Variants in APOBEC3G observed in about 807,000 individuals in gnomAD.
APOBEC3G encodes the protein apolipoprotein B mRNA editing enzyme catalytic subunit 3G.
Under a neutral mutation model 50.0 loss-of-function variants are expected in APOBEC3G, and 44 were observed. That is an observed-to-expected ratio of 0.88 (90% CI 0.69 to 1.13). The LOEUF (loss-of-function observed/expected upper bound fraction) is 1.13, where lower values mean the gene tolerates loss of function less well. APOBEC3G is among the 50% of genes most tolerant of loss of function. APOBEC3G has a pLI of 0.00. For synonymous variants in APOBEC3G, 156 were observed against 175.3 expected, an observed-to-expected ratio of 0.89 and a Z score of 0.87; for missense variants, 469 against 492.0, an observed-to-expected ratio of 0.95 and a Z score of 0.44.
chr22:39,077,335 A>T lies in APOBEC3G; in HGVS notation c.-27A>T, dbSNP rs374190213. 6.4e-7 allele frequency: 1 copy of T among 1,569,652 alleles called. No homozygotes were observed. The highest frequency in any genetic ancestry group is 1.3e-5 in the African/African-American group (1 of 74,084). On this transcript the variant is annotated 5_prime_UTR_variant, in exon 1 of 8. Coordinates refer to ENST00000407997, the MANE Select transcript of APOBEC3G (RefSeq NM_021822.4). ...TGAAACCCTGGTGCTCCAGACAAAG[A>T]TCTTAGTCGGGACTAGCCGGCCAAG...
chr22:39,077,389 C>T lies in APOBEC3G; in HGVS notation c.17+11C>T, dbSNP rs1204077038. 6.3e-7 allele frequency: 1 copy of T among 1,581,328 alleles called. No homozygotes were observed. The highest frequency in any genetic ancestry group is 2.3e-5 in the East Asian group (1 of 43,568). On this transcript the variant is annotated intron_variant, in intron 1 of 7. Coordinates refer to ENST00000407997, the MANE Select transcript of APOBEC3G (RefSeq NM_021822.4). The stretch of plus-strand genomic sequence containing the variant: ...GAAGCCTCACTTCAGGTACCGCTGC[C>T]CGCTCTACCCACTGGGCCCCTCTGC...
chr22:39,084,351 C>A (rs1321920272), intron 5 of APOBEC3G, among the ~76,000 whole-genome samples: 1 of 152,078 alleles, frequency 6.6e-6, no homozygotes, highest in Non-Finnish European at 1.5e-5. Context: ...CACGGTGAAA[C>A]CCCATCTCTA....
In APOBEC3G at chr22:39,079,155, T is replaced by C; in HGVS notation, c.171+70T>C. 3 of 1,542,482 alleles carry C rather than the reference T, an allele frequency of 1.9e-6. No individual in the cohort carries two copies. The South Asian group carries it at 3.8e-5, about 19-fold the overall frequency. Reference sequence around the variant, plus strand: ...GCTGGGAAAGCAAACCACGCACTGATAAGTGAAGTGCCCGGCGGCGGGCTA... The same window carrying C: ...GCTGGGAAAGCAAACCACGCACTGACAAGTGAAGTGCCCGGCGGCGGGCTA... On this transcript the variant is annotated intron_variant, in intron 2 of 7. Coordinates refer to ENST00000407997, the MANE Select transcript of APOBEC3G (RefSeq NM_021822.4).
chr22:39,080,909 G>C (rs1928410465), intron 2 of APOBEC3G, 24 bp from the exon 3 acceptor site: 2 of 1,440,502 alleles, frequency 1.4e-6, no homozygotes, highest in African/African-American at 1.4e-5. Flanking sequence ...CTCAGAGCTT[G>C]CCCTGACCCT....
At chr22:39,087,318 C>A in intron 7 of APOBEC3G, 89 bp from the exon 8 acceptor site, 1 of 1,604,484 alleles carries the variant, frequency 6.2e-7, no homozygotes, top group Admixed American at 1.7e-5. Flanking sequence ...CCCTCCTCTC[C>A]GATCATTGTC....
intron 4 of APOBEC3G, 92 bp downstream of exon 4, chr22:39,081,677 C>T: frequency 3.9e-6 from 4 of 1,025,878 alleles, no homozygotes; most frequent in South Asian, 1.4e-5. Context: ...CAGGTCCTCT[C>T]CTGGCCAGGC....
chr22:39,081,167 C>T lies in APOBEC3G; in HGVS notation c.406C>T (p.Arg136Cys), dbSNP rs142694979. 2.5e-5 allele frequency: 40 copies of T among 1,614,118 alleles called. No individual in the cohort carries two copies. The highest frequency in any genetic ancestry group is 2.1e-4 in the African/African-American group (16 of 74,930). The change falls in exon 3 of 8, where the codon CGC becomes TGC. Residue 136 changes from arginine to cysteine, a missense_variant. By Grantham distance (180) the Arg-to-Cys change is radical (BLOSUM62 -3). Coordinates refer to ENST00000407997, the MANE Select transcript of APOBEC3G (RefSeq NM_021822.4). ...GGACCCAGATTACCAGGAGGCGCTT[C>T]GCAGCCTGTGTCAGAAAAGAGACGG... ...FWDPDYQEAL[R>C]SLCQKRDGPR...
At chr22:39,084,823 G>C (rs567730282) in intron 5 of APOBEC3G, among the ~76,000 whole-genome samples, 20 of 152,358 alleles carry the variant, frequency 1.3e-4, no homozygotes, top group African/African-American at 4.6e-4. Context: ...GGCCAGGCCA[G>C]GCCGAGGGGC....
At position 39,086,409 on chromosome 22, in the gene APOBEC3G, T is replaced by C; in HGVS notation, c.866T>C (p.Phe289Ser). Residue 289 changes from phenylalanine (F) to serine (S), a missense_variant, in exon 6 of 8, where the codon TTC becomes TCC. By Grantham distance (155) the Phe-to-Ser change is radical (BLOSUM62 -2). Transcript: ENST00000407997. ...TGCTTCACCTCCTGGAGCCCCTGCT[T>C]CAGCTGTGCCCAGGAAATGGCTAAA... is the stretch of plus-strand genomic sequence containing the variant. Reference protein sequence around the residue: ...VTCFTSWSPCFSCAQEMAKFI... With the variant: ...VTCFTSWSPCSSCAQEMAKFI... 1 of 1,614,156 alleles carries C rather than the reference T, an allele frequency of 6.2e-7. No individual in the cohort carries two copies. Among genetic ancestry groups the C allele is most frequent in the African/African-American group, 1.3e-5 (1 of 75,032 alleles).
At chr22:39,078,803 A>T in intron 1 of APOBEC3G, 129 bp from the exon 2 acceptor site, 1 of 1,370,104 alleles carries the variant, frequency 7.3e-7, no homozygotes, top group Non-Finnish European at 9.7e-7. Flanking sequence ...GTCTCCGCCG[A>T]AATTCTCAGG....
At chr22:39,077,784 T>C (rs1233940810) in intron 1 of APOBEC3G, among the ~76,000 whole-genome samples, 1 of 152,214 alleles carries the variant, frequency 6.6e-6, no homozygotes, top group East Asian at 1.9e-4. Flanking sequence ...TTCTGTAAGA[T>C]TTACTTTGCT....
chr22:39,086,751 A>T (rs1239979343), intron 6 of APOBEC3G, among the ~76,000 whole-genome samples, 184 bp downstream of exon 6: 7 of 147,212 alleles, frequency 4.8e-5, no homozygotes, highest in Non-Finnish European at 7.5e-5. Flanking sequence ...CCAGGCCAGG[A>T]GATGTGGACC....
Position 39,081,036 on chromosome 22 carries a change from T to C in APOBEC3G, c.275T>C (p.Ile92Thr). The change falls in exon 3 of 8, where the codon ATA becomes ACA. Residue 92 changes from isoleucine (I) to threonine (T), a missense_variant. Ile to Thr is a moderately conservative substitution (Grantham distance 89). Coordinates refer to ENST00000407997, the MANE Select transcript of APOBEC3G (RefSeq NM_021822.4). ...RDQEYEVTWY[I>T]SWSPCTKCTR... is the part of the protein sequence containing the mutation. ...CAGGAGTATGAGGTCACCTGGTACA[T>C]ATCCTGGAGCCCCTGCACAAAGTGT... 6.2e-7 allele frequency: 1 copy of C among 1,614,130 alleles called. No individual in the cohort carries two copies.
chr22:39,079,172 G>A (rs1218129551), intron 2 of APOBEC3G, 87 bp downstream of exon 2: 27 of 1,474,180 alleles, frequency 1.8e-5, no homozygotes, highest in Middle Eastern at 1.8e-4. Flanking sequence ...AGTGCCCGGC[G>A]GCGGGCTATC....
rs771375373 is a variant in APOBEC3G, at chr22:39,081,086, G to A, written c.325G>A (p.Ala109Thr). The change falls in exon 3 of 8, where the codon GCC (alanine) becomes ACC (threonine). Residue 109 changes from alanine (A) to threonine (T), a missense_variant. By Grantham distance (58) the Ala-to-Thr change is moderately conservative. Coordinates refer to ENST00000407997, the MANE Select transcript of APOBEC3G (RefSeq NM_021822.4). ...TACAAGGGATATGGCCACGTTCCTG[G>A]CCGAGGACCCGAAGGTTACCCTGAC... ...KCTRDMATFL[A>T]EDPKVTLTIF... is the part of the protein sequence containing the mutation. 27 of 1,614,100 alleles carry A rather than the reference G, an allele frequency of 1.7e-5. No individual in the cohort carries two copies. The South Asian group carries it at 3.0e-4, about 18-fold the overall frequency.
intron 1 of APOBEC3G, among the ~76,000 whole-genome samples, chr22:39,077,637 C>T (rs1471137849): frequency 4.6e-5 from 7 of 152,024 alleles, no homozygotes; most frequent in Middle Eastern, 3.4e-3. Context: ...AAAGTCATGG[C>T]TGGGGTGGTG....
intron 5 of APOBEC3G, 109 bp downstream of exon 5, chr22:39,083,993 C>T: frequency 7.5e-7 from 1 of 1,328,636 alleles, no homozygotes; most frequent in South Asian, 1.5e-5. Context: ...TGTCTGTCAC[C>T]TGTGCTTCCT....
chr22:39,085,388 C>G (rs2413571), intron 5 of APOBEC3G, among the ~76,000 whole-genome samples: 99,940 of 151,852 alleles, frequency 0.66, 33,032 homozygotes, highest in East Asian at 0.75. Flanking sequence ...GACGGGTAGA[C>G]AGGTCAGCCT....
At chr22:39,081,860 G>T (rs992923464) in intron 4 of APOBEC3G, 2 of 400,898 alleles carry the variant, frequency 5.0e-6, no homozygotes, top group Admixed American at 8.4e-5. Context: ...CAGCCTGGGA[G>T]CCCCAACCTG....
Sources: gnomAD v4.1 joint callset for allele counts (sites outside exome capture counted in the v4.1 genomes callset) on GRCh38, gnomAD v4.1.1 for gene constraint, MANE v1.5 for transcripts, NCBI Gene and HGNC (gene_info 2026-07-23, HGNC 2026-07-21) for gene names.